Variants in CWC27 observed in about 807,000 individuals in gnomAD.
The protein encoded by CWC27 is CWC27 spliceosome associated cyclophilin, also known as spliceosome-associated protein CWC27 homolog.
Under a neutral mutation model 63.6 loss-of-function variants are expected in CWC27, and 47 were observed. That is an observed-to-expected ratio of 0.74 (90% CI 0.58 to 0.94). CWC27 has a LOEUF of 0.94. Among genes scored for constraint, CWC27 ranks in the 40% least tolerant of loss-of-function variants. CWC27 has a pLI of 0.00. For missense variants in CWC27, 495 were observed against 554.3 expected (o/e 0.89, Z 1.07); for synonymous variants, 175 against 179.8 (o/e 0.97, Z 0.22).
chr5:64,976,708 T>C (rs1749233834), intron 12 of CWC27, among the ~76,000 whole-genome samples: 1 of 152,122 alleles, frequency 6.6e-6, no homozygotes, highest in South Asian at 2.1e-4. Flanking sequence ...TTTTTTCTTT[T>C]CTTTTTGTAG....
intron 13 of CWC27, among the ~76,000 whole-genome samples, chr5:64,995,233 A>G (rs1027846978): frequency 2.6e-5 from 4 of 152,056 alleles, no homozygotes; most frequent in African/African-American, 9.7e-5. Flanking sequence ...CAGCCTCCCA[A>G]AGTGCTAGGA....
intron 11 of CWC27, among the ~76,000 whole-genome samples, chr5:64,889,266 T>A (rs940965580): frequency 6.6e-6 from 1 of 152,132 alleles, no homozygotes; most frequent in Non-Finnish European, 1.5e-5. Context: ...AGGTCTATAG[T>A]TAGTTAATAG....
At chr5:64,970,446 T>C (rs887759454) in intron 11 of CWC27, among the ~76,000 whole-genome samples, 6 of 151,870 alleles carry the variant, frequency 4.0e-5, no homozygotes, top group Non-Finnish European at 7.4e-5. Context: ...TCTTCTGACC[T>C]CGTGATCCGC....
Position 64,800,228 on chromosome 5 carries a change from A to C in CWC27, c.670-20A>C, listed in dbSNP as rs10062054. 2,541 of 1,545,970 alleles carry C rather than the reference A, an allele frequency of 1.6e-3. 40 individuals carry two copies. In the African/African-American group the frequency reaches 0.03, roughly 18 times the overall value. On this transcript the variant is annotated intron_variant, in intron 7 of 13. Coordinates refer to ENST00000381070, the MANE Select transcript of CWC27 (RefSeq NM_005869.4). ...ACTGTTTATTTCCCCCCTCATGATT[A>C]TATTGTACATTCTTTGCAGAGCATG...
chr5:64,815,702 T>A (rs926661181), intron 10 of CWC27, among the ~76,000 whole-genome samples: 20 of 152,156 alleles, frequency 1.3e-4, no homozygotes, highest in Non-Finnish European at 2.8e-4. Flanking sequence ...AAAAAAACTA[T>A]ATATCAATTC....
intron 10 of CWC27, among the ~76,000 whole-genome samples, chr5:64,814,860 A>T (rs1744983268): frequency 6.6e-6 from 1 of 152,176 alleles, no homozygotes; most frequent in African/African-American, 2.4e-5. Flanking sequence ...AGGGAGAAGT[A>T]ATAAGGGCCT....
chr5:64,933,649 T>C lies in CWC27; in HGVS notation c.1043-38054T>C, dbSNP rs185381341. Among the ~76,000 whole-genome samples the C allele has an allele frequency of 4.3e-3, 661 of 152,102 alleles. 5 individuals are homozygous for C. The highest frequency in any genetic ancestry group is 0.024 in the Middle Eastern group (7 of 294). On this transcript the variant is annotated intron_variant, in intron 11 of 13. Transcript: ENST00000381070. ...CTGGGACTACAGGCATGCACCACCATGCCTGGCTAATTTTTGTATTTTTAG... is the reference window on the plus strand; with the variant it reads ...CTGGGACTACAGGCATGCACCACCACGCCTGGCTAATTTTTGTATTTTTAG...
At chr5:64,786,371 G>A (rs1361625939) in intron 5 of CWC27, among the ~76,000 whole-genome samples, 153 bp from the exon 6 acceptor site, 2 of 152,158 alleles carry the variant, frequency 1.3e-5, no homozygotes. Context: ...CGTGTAAGTG[G>A]AAGCATGTTG....
chr5:64,800,809 A>G (rs1744461152), intron 8 of CWC27, among the ~76,000 whole-genome samples: 1 of 152,120 alleles, frequency 6.6e-6, no homozygotes, highest in African/African-American at 2.4e-5. Flanking sequence ...CTTCTCTTTG[A>G]GAAGGGAAAA....
rs187343720 is a variant in CWC27, at chr5:65,016,252, T to C, written c.1257-1907T>C. On this transcript the variant is annotated intron_variant, in intron 13 of 13. Coordinates refer to ENST00000381070, the MANE Select transcript of CWC27 (RefSeq NM_005869.4). ...TAATTAAGGGTGTCTACTAAAGGAA[T>C]GGAAGTGTAAAAAGTCAGCAACTCC... Among the ~76,000 whole-genome samples the C allele has an allele frequency of 1.2e-3, 187 of 152,294 alleles. 1 individual carries two copies. Among genetic ancestry groups the C allele is most frequent in the African/African-American group, 4.3e-3 (177 of 41,552 alleles).
intron 10 of CWC27, among the ~76,000 whole-genome samples, chr5:64,808,743 G>A (rs1308081821): frequency 1.3e-5 from 2 of 152,108 alleles, no homozygotes; most frequent in Non-Finnish European, 2.9e-5. Flanking sequence ...TGTGGAATGA[G>A]TGGATAAATA....
intron 10 of CWC27, among the ~76,000 whole-genome samples, chr5:64,832,819 T>C (rs1408289519): frequency 1.3e-5 from 2 of 151,744 alleles, no homozygotes; most frequent in African/African-American, 4.8e-5. Flanking sequence ...AAAGAGCAAA[T>C]CACATTTAAT....
rs1486166775 is a variant in CWC27, at chr5:64,990,357, C to T, written c.1256+13119C>T. Among the ~76,000 whole-genome samples the T allele has an allele frequency of 3.6e-5, 3 of 82,390 alleles. 1 individual carries two copies. Among genetic ancestry groups the T allele is most frequent in the Non-Finnish European group, 7.9e-5 (3 of 38,000 alleles). 54.1% of individuals were successfully genotyped at this position (82,390 alleles called of 152,430 possible). The stretch of plus-strand genomic sequence containing the variant: ...TCGGCTCACTGCAAGCTCCGCCTCC[C>T]GGGTTCACGCCATTCTCCTTCCTCA... On this transcript the variant is annotated intron_variant, in intron 13 of 13. Transcript: ENST00000381070.
At chr5:64,796,093 A>T (rs1032688894) in intron 7 of CWC27, among the ~76,000 whole-genome samples, 2 of 151,420 alleles carry the variant, frequency 1.3e-5, no homozygotes, top group Admixed American at 1.3e-4. Context: ...GTCAGCAGTG[A>T]TGTCAAGGAG....
In CWC27 at chr5:64,990,265, T is replaced by G. The variant is rs1200812208; in HGVS notation, c.1256+13027T>G. 1.5e-3 allele frequency among the ~76,000 whole-genome samples: 67 copies of G among 43,430 alleles called. 9 individuals carry two copies. The highest frequency in any genetic ancestry group is 6.6e-3 in the African/African-American group (56 of 8,464). The allele number at this position is 43,430 out of a possible 152,430, so 28.5% of individuals were successfully genotyped here. A position where few individuals can be genotyped will look rare whatever the true frequency, so the allele number is the denominator to read the frequency against. On this transcript the variant is annotated intron_variant, in intron 13 of 13. Transcript: ENST00000381070. ...GTTTTTTTTTTGTTTTTTTTTTTTTTGTTTTTTTTTTTTTTTTGAGACGGA... is the reference window on the plus strand; with the variant it reads ...GTTTTTTTTTTGTTTTTTTTTTTTTGGTTTTTTTTTTTTTTTTGAGACGGA...
chr5:64,998,777 G>A (rs1246931628), intron 13 of CWC27, among the ~76,000 whole-genome samples: 6 of 151,690 alleles, frequency 4.0e-5, no homozygotes, highest in Non-Finnish European at 8.8e-5. Context: ...TTTTCCTAAT[G>A]CTCTATTTTT....
chr5:64,862,190 G>C (rs947813112), intron 10 of CWC27, among the ~76,000 whole-genome samples: 1 of 151,380 alleles, frequency 6.6e-6, no homozygotes, highest in Admixed American at 6.6e-5. Flanking sequence ...GGCTGAGTCA[G>C]GATGCAAGGC....
At chr5:64,895,654 G>A (rs1158484980) in intron 11 of CWC27, among the ~76,000 whole-genome samples, 1 of 152,002 alleles carries the variant, frequency 6.6e-6, no homozygotes, top group East Asian at 1.9e-4. Context: ...TCCACAAAAA[G>A]TTCAGATTTT....
intron 11 of CWC27, among the ~76,000 whole-genome samples, chr5:64,938,643 T>C (rs1362319638): frequency 6.6e-6 from 1 of 152,196 alleles, no homozygotes; most frequent in African/African-American, 2.4e-5. Flanking sequence ...TGAATTTGAA[T>C]GTTGGCCTGC....
Sources: allele counts gnomAD v4.1 joint callset (sites outside exome capture counted in the v4.1 genomes callset), GRCh38; gene constraint gnomAD v4.1.1; transcripts MANE v1.5; gene names NCBI Gene and HGNC (gene_info 2026-07-23, HGNC 2026-07-21).